Variants in PALB2 observed in about 807,000 individuals in gnomAD.
PALB2 encodes mutant partner and localizer of BRCA2.
PALB2 carries 82 observed loss-of-function variants against 107.4 expected under a neutral mutation model. The ratio of observed to expected loss-of-function variants is 0.76; its 90% confidence interval spans 0.64 to 0.92. The LOEUF (loss-of-function observed/expected upper bound fraction) is 0.92, where lower values mean the gene tolerates loss of function less well. Ranked by LOEUF, PALB2 falls within the 40% of genes least tolerant of loss-of-function variation. The probability of loss-of-function intolerance (pLI) is 0.00; values close to 1 mark genes in which losing one functional copy is unlikely to be tolerated. For synonymous variants in PALB2, 489 were observed against 496.8 expected (o/e 0.98, Z 0.21); for missense variants, 1,374 against 1,379.9 (o/e 1.00, Z 0.07).
chr16:23,639,876 C>A (rs1227407385), intron 1 of PALB2, among the ~76,000 whole-genome samples: 4 of 152,034 alleles, frequency 2.6e-5, no homozygotes, highest in Non-Finnish European at 5.9e-5. Context: ...AAGTTGCCAA[C>A]CGTAAGGAAT....
At chr16:23,624,703 G>T (rs1275438575) in intron 7 of PALB2, among the ~76,000 whole-genome samples, 1 of 152,168 alleles carries the variant, frequency 6.6e-6, no homozygotes. Context: ...GAGAGACGGG[G>T]TTTCACCATG....
chr16:23,621,859 G>A (rs573391810), intron 9 of PALB2, among the ~76,000 whole-genome samples: 3 of 151,408 alleles, frequency 2.0e-5, no homozygotes, highest in East Asian at 1.9e-4. Flanking sequence ...CCCACATTTC[G>A]AGCTTGGTCA....
At chr16:23,614,805 T>C (rs1315998354) in intron 10 of PALB2, among the ~76,000 whole-genome samples, 13 of 150,344 alleles carry the variant, frequency 8.6e-5, no homozygotes, top group African/African-American at 3.2e-4. Context: ...CGCCCGCCAC[T>C]ACGCCCGGCT....
intron 3 of PALB2, among the ~76,000 whole-genome samples, chr16:23,637,386 C>T (rs954575983): frequency 6.6e-5 from 10 of 151,974 alleles, no homozygotes; most frequent in Non-Finnish European, 1.2e-4. Context: ...ATAGATTTTA[C>T]GGCATATGAA....
chr16:23,626,450 C>A (rs2142357380), intron 6 of PALB2, 53 bp from the exon 7 acceptor site: 1 of 1,595,286 alleles, frequency 6.3e-7, no homozygotes. Flanking sequence ...CTGTTTTATG[C>A]AAAGCATAAG....
chr16:23,622,871 C>A lies in PALB2; in HGVS notation c.2996+98G>T, dbSNP rs1354536491. 5 of 1,382,778 alleles carry A rather than the reference C, an allele frequency of 3.6e-6. No homozygotes were observed. In the Admixed American group the frequency reaches 8.4e-5, roughly 23 times the overall value. The allele number at this position is 1,382,778 out of a possible 1,614,324, so 85.7% of individuals were successfully genotyped here. ...GTACATGCTTATATTACACCCCCAG[C>A]ACAGAAAAACGAGATCCTAGTTACC... On this transcript the variant is annotated intron_variant, in intron 9 of 12. Coordinates refer to ENST00000261584, the MANE Select transcript of PALB2 (RefSeq NM_024675.4).
Position 23,627,436 on chromosome 16 carries a change from G to A in PALB2, c.2587-1039C>T, listed in dbSNP as rs253099. Among the ~76,000 whole-genome samples, 28 of 149,076 alleles carry A rather than the reference G, an allele frequency of 1.9e-4. 1 individual carries two copies. In the East Asian group the frequency reaches 5.3e-3, roughly 28 times the overall value. On this transcript the variant is annotated intron_variant, in intron 6 of 12. Transcript: ENST00000261584. ...CGGGAAGCGGAGCTTGCAGTGAGCCGAGATTGCGCCACTGCAGTCCGCAGT... is the reference window on the plus strand; with the variant it reads ...CGGGAAGCGGAGCTTGCAGTGAGCCAAGATTGCGCCACTGCAGTCCGCAGT...
intron 7 of PALB2, among the ~76,000 whole-genome samples, chr16:23,626,007 A>T (rs939222907): frequency 6.6e-6 from 1 of 152,072 alleles, no homozygotes; most frequent in South Asian, 2.1e-4. Flanking sequence ...ATTTGTGATA[A>T]AGCGAACAAA....
At chr16:23,605,404 GGTTT>G (rs113665401) in intron 12 of PALB2, among the ~76,000 whole-genome samples, 14,187 of 151,814 alleles carry the variant, frequency 0.093, 838 homozygotes, top group East Asian at 0.17. Flanking sequence ...AGAAATAAGT[GGTTT>G]GTTTGTTTGT....
At chr16:23,638,941 G>A (rs915678849) in intron 1 of PALB2, among the ~76,000 whole-genome samples, 7 of 152,140 alleles carry the variant, frequency 4.6e-5, no homozygotes, top group Admixed American at 6.5e-5. Flanking sequence ...TACGTTTGAG[G>A]AACACGCAGA....
At chr16:23,615,382 G>A (rs942021605) in intron 10 of PALB2, among the ~76,000 whole-genome samples, 1 of 151,994 alleles carries the variant, frequency 6.6e-6, no homozygotes, top group East Asian at 1.9e-4. Context: ...ATGACTCACC[G>A]TAGCCTTGAC....
chr16:23,612,158 T>C (rs1966598632), intron 11 of PALB2, among the ~76,000 whole-genome samples: 1 of 152,188 alleles, frequency 6.6e-6, no homozygotes, highest in Admixed American at 6.5e-5. Context: ...ACTCAAGTAG[T>C]TATTCATTAC....
chr16:23,640,786 T>A (rs1174718874), intron 1 of PALB2: 7 of 334,074 alleles, frequency 2.1e-5, no homozygotes, highest in Non-Finnish European at 3.9e-5. Context: ...ACTTAAAAGA[T>A]TTACTTGAGG....
At chr16:23,623,583 A>G (rs1408934278) in intron 8 of PALB2, among the ~76,000 whole-genome samples, 1 of 123,584 alleles carries the variant, frequency 8.1e-6, no homozygotes, top group African/African-American at 3.2e-5. Context: ...GCACGATCTT[A>G]GCTCACTGCA....
At chr16:23,638,206 G>C (rs1967115517) in intron 1 of PALB2, 77 bp from the exon 2 acceptor site, 3 of 1,197,386 alleles carry the variant, frequency 2.5e-6, no homozygotes, top group Non-Finnish European at 3.8e-6. Context: ...GTGCTTGGCG[G>C]GGTCCCTTGG....
rs1237573344 is a variant in PALB2 at position 23,613,644 on chromosome 16, C to A, written c.3201+360G>T. Among the ~76,000 whole-genome samples, 246 of 129,802 alleles carry A rather than the reference C, an allele frequency of 1.9e-3. 3 individuals carry two copies. The highest frequency in any genetic ancestry group is 4.8e-3 in the African/African-American group (167 of 35,096). 85.2% of individuals were successfully genotyped at this position (129,802 alleles called of 152,430 possible). ...GGGCAACAAGAGCAAAACTCCATCC[C>A]AAAAAAAAAAAAAAGTATTTCTGGG... On this transcript the variant is annotated intron_variant, in intron 11 of 12. Coordinates refer to ENST00000261584, the MANE Select transcript of PALB2 (RefSeq NM_024675.4).
chr16:23,608,792 G>GTA (rs141158117), intron 11 of PALB2, among the ~76,000 whole-genome samples: 216 of 145,950 alleles, frequency 1.5e-3, no homozygotes, highest in Non-Finnish European at 2.7e-3. Flanking sequence ...CTGTATGTGT[G>GTA]TATATATATA....
intron 5 of PALB2, 93 bp from the exon 6 acceptor site, chr16:23,629,368 TTTATTTCCTC>T: frequency 8.4e-7 from 1 of 1,195,250 alleles, no homozygotes; most frequent in Non-Finnish European, 1.2e-6. Flanking sequence ...TCGTATTGTC[TTTATTTCCTC>T]TTATAACAGC....
At chr16:23,607,809 T>C in intron 12 of PALB2, 55 bp downstream of exon 12, 1 of 1,601,696 alleles carries the variant, frequency 6.2e-7, no homozygotes, top group Non-Finnish European at 8.5e-7. Context: ...TTTTTGTGTT[T>C]GCACAGTGCC....
Sources: gnomAD v4.1 joint callset for allele counts (sites outside exome capture counted in the v4.1 genomes callset) on GRCh38, gnomAD v4.1.1 for gene constraint, MANE v1.5 for transcripts, NCBI Gene and HGNC (gene_info 2026-07-23, HGNC 2026-07-21) for gene names.